Variants in GBE1 observed in about 807,000 individuals in gnomAD.
The protein encoded by GBE1 is 1,4-alpha-glucan branching enzyme 1.
GBE1 carries 70 observed loss-of-function variants against 88.8 expected under a neutral mutation model. The ratio of observed to expected loss-of-function variants is 0.79; its 90% confidence interval spans 0.65 to 0.96. The LOEUF (loss-of-function observed/expected upper bound fraction) is 0.96. Among genes scored for constraint, GBE1 ranks in the 40% least tolerant of loss-of-function variants. The pLI is 0.00. For missense variants in GBE1, 872 were observed against 871.0 expected, an observed-to-expected ratio of 1.00 and a Z score of -0.01; for synonymous variants, 284 against 300.1, an observed-to-expected ratio of 0.95 and a Z score of 0.56.
intron 12 of GBE1, among the ~76,000 whole-genome samples, chr3:81,574,732 G>A (rs1032478265): frequency 1.3e-5 from 2 of 152,138 alleles, no homozygotes; most frequent in Non-Finnish European, 2.9e-5. Flanking sequence ...TTAGCAAAAT[G>A]GACTTAGAAT....
intron 1 of GBE1, among the ~76,000 whole-genome samples, chr3:81,729,502 T>C (rs532825128): frequency 3.3e-5 from 5 of 152,206 alleles, no homozygotes; most frequent in Non-Finnish European, 5.9e-5. Context: ...CAGTTCTACA[T>C]TGACTTATGA....
chr3:81,530,836 T>C (rs1324218375), intron 14 of GBE1, among the ~76,000 whole-genome samples: 5 of 151,788 alleles, frequency 3.3e-5, no homozygotes, highest in Non-Finnish European at 7.4e-5. Flanking sequence ...CCAGTGATGT[T>C]TATTCAAAGG....
chr3:81,571,238 A>C (rs944279327), intron 12 of GBE1, among the ~76,000 whole-genome samples: 3 of 152,200 alleles, frequency 2.0e-5, no homozygotes, highest in Non-Finnish European at 4.4e-5. Flanking sequence ...TCTCCGTTGA[A>C]GAGGGAAGAC....
At chr3:81,640,198 G>C (rs1704651047) in intron 7 of GBE1, among the ~76,000 whole-genome samples, 1 of 151,754 alleles carries the variant, frequency 6.6e-6, no homozygotes, top group Non-Finnish European at 1.5e-5. Context: ...ATTGTTCCTG[G>C]ATATGTCTGT....
At chr3:81,597,445 AATATATATATATCTCAAAT>A (rs1703971881) in intron 7 of GBE1, among the ~76,000 whole-genome samples, 1 of 144,604 alleles carries the variant, frequency 6.9e-6, no homozygotes, top group Non-Finnish European at 1.5e-5. Context: ...ATATCTCAAA[AATATATATATATCTCAAAT>A]ATATATATAT....
intron 1 of GBE1, among the ~76,000 whole-genome samples, chr3:81,748,170 T>C (rs1575776153): frequency 2.0e-5 from 3 of 151,802 alleles, no homozygotes; most frequent in South Asian, 4.2e-4. Flanking sequence ...AGTTAGAAAA[T>C]GGGCAAAAGA....
chr3:81,590,891 C>T, intron 9 of GBE1, 146 bp downstream of exon 9: 1 of 525,558 alleles, frequency 1.9e-6, no homozygotes, highest in Middle Eastern at 3.2e-4. Flanking sequence ...AATGTGCCAC[C>T]CATACAAGAT....
At chr3:81,646,964 T>A (rs982591117) in intron 5 of GBE1, among the ~76,000 whole-genome samples, 1 of 150,396 alleles carries the variant, frequency 6.6e-6, no homozygotes, top group Non-Finnish European at 1.5e-5. Context: ...AGCTTTTTTT[T>A]TTTTTTTTTT....
intron 12 of GBE1, among the ~76,000 whole-genome samples, chr3:81,551,997 C>A (rs1279755858): frequency 1.3e-5 from 2 of 152,144 alleles, no homozygotes; most frequent in African/African-American, 2.4e-5. Context: ...CCCTGCTCTC[C>A]CAGTCCTCCC....
chr3:81,588,589 C>T (rs1703831496), intron 9 of GBE1, among the ~76,000 whole-genome samples: 1 of 142,416 alleles, frequency 7.0e-6, no homozygotes, highest in African/African-American at 2.5e-5. Context: ...GAATTGAATC[C>T]TTTTGAAAAG....
chr3:81,628,777 A>G (rs192886871), intron 7 of GBE1, among the ~76,000 whole-genome samples: 28 of 133,698 alleles, frequency 2.1e-4, no homozygotes, highest in Admixed American at 1.7e-3. Flanking sequence ...ATATATATAT[A>G]TATATAGCAA....
chr3:81,756,247 TTTAA>T (rs1318377554), intron 1 of GBE1, among the ~76,000 whole-genome samples: 1 of 152,188 alleles, frequency 6.6e-6, no homozygotes, highest in Non-Finnish European at 1.5e-5. Flanking sequence ...TCTTTAGCTC[TTTAA>T]TTGAGCATAT....
At chr3:81,661,125 T>TA (rs1476865765) in intron 3 of GBE1, among the ~76,000 whole-genome samples, 5 of 152,074 alleles carry the variant, frequency 3.3e-5, no homozygotes, top group Admixed American at 6.6e-5. Context: ...TTTTATTTTT[T>TA]AAAAAAAGTA....
At chr3:81,534,073 T>C (rs1703043322) in intron 14 of GBE1, among the ~76,000 whole-genome samples, 2 of 151,994 alleles carry the variant, frequency 1.3e-5, no homozygotes, top group Non-Finnish European at 1.5e-5. Context: ...CCCTGACACA[T>C]AGGACTTCAT....
At chr3:81,750,567 ATATATATACG>A (rs1257677656) in intron 1 of GBE1, among the ~76,000 whole-genome samples, 1 of 69,866 alleles carries the variant, frequency 1.4e-5, no homozygotes, top group African/African-American at 8.2e-5. Flanking sequence ...ATATATGTAT[ATATATATACG>A]TATATATATA....
At chr3:81,614,188 C>T (rs1278027631) in intron 7 of GBE1, among the ~76,000 whole-genome samples, 1 of 152,108 alleles carries the variant, frequency 6.6e-6, no homozygotes, top group Non-Finnish European at 1.5e-5. Flanking sequence ...TTCACAATTA[C>T]TTTTAAAGCA....
chr3:81,756,745 G>A (rs1423068993), intron 1 of GBE1, among the ~76,000 whole-genome samples: 1 of 151,826 alleles, frequency 6.6e-6, no homozygotes, highest in Non-Finnish European at 1.5e-5. Flanking sequence ...TCCTAAGGTA[G>A]AAGCAAAGAA....
intron 12 of GBE1, among the ~76,000 whole-genome samples, chr3:81,559,994 A>T (rs1351816791): frequency 2.0e-5 from 3 of 152,012 alleles, no homozygotes; most frequent in Non-Finnish European, 4.4e-5. Flanking sequence ...AAAGAAAGAA[A>T]CAAAGAGACA....
At chr3:81,589,606 C>G (rs1244876269) in intron 9 of GBE1, among the ~76,000 whole-genome samples, 2 of 151,424 alleles carry the variant, frequency 1.3e-5, no homozygotes, top group Admixed American at 1.3e-4. Context: ...CCAGAGCTCC[C>G]TAGATGATGA....
Sources: gnomAD v4.1 joint callset for allele counts (sites outside exome capture counted in the v4.1 genomes callset) on GRCh38, gnomAD v4.1.1 for gene constraint, MANE v1.5 for transcripts, NCBI Gene and HGNC (gene_info 2026-07-23, HGNC 2026-07-21) for gene names.